The following ZBP1 variants were observed in gnomAD, a reference collection of about 807,000 sequenced individuals.
ZBP1 encodes the protein Z-DNA-binding protein 1.
Under a neutral mutation model 41.1 loss-of-function variants are expected in ZBP1, and 42 were observed. The observed-to-expected ratio is 1.02, with a 90% CI of 0.80 to 1.32. ZBP1 has a LOEUF of 1.32. ZBP1 is among the 40% of genes most tolerant of loss of function. ZBP1 has a pLI of 0.00. For missense variants in ZBP1, 562 were observed against 549.7 expected (o/e 1.02, Z -0.22); for synonymous variants, 214 against 205.2 (o/e 1.04, Z -0.37).
intron 7 of ZBP1, among the ~76,000 whole-genome samples, chr20:57,609,724 A>G (rs1413396740): frequency 6.6e-6 from 1 of 152,112 alleles, no homozygotes; most frequent in Non-Finnish European, 1.5e-5. Flanking sequence ...CTGATGCAGA[A>G]CCTTATTTGC....
Position 57,610,242 on chromosome 20 carries a change from T to C in ZBP1, c.1000A>G (p.Ile334Val). The change falls in exon 7 of 8, where the codon ATC (isoleucine) becomes GTC (valine). Residue 334 changes from isoleucine (I) to valine (V), a missense_variant. By Grantham distance (29) the Ile-to-Val change is conservative. Coordinates refer to ENST00000371173, the MANE Select transcript of ZBP1 (RefSeq NM_030776.3). This position sits in a 1 kb window ranked among gnomAD's most constrained non-coding sequence, Gnocchi z 5.5. Reference protein sequence around the residue: ...MKSCFLEDATIGNSNKMSISP... With the variant: ...MKSCFLEDATVGNSNKMSISP... ...ATAGACATTTTGTTGCTGTTGCCGA[T>C]GGTGGCGTCCTCGAGAAAGCACGAT... is the stretch of plus-strand genomic sequence containing the variant. 6.2e-7 allele frequency: 1 copy of C among 1,614,186 alleles called. No individual in the cohort carries two copies. The highest frequency in any genetic ancestry group is 8.5e-7 in the Non-Finnish European group (1 of 1,180,028).
At chr20:57,608,532 C>CT (rs374159617) in intron 7 of ZBP1, among the ~76,000 whole-genome samples, 1 of 152,358 alleles carries the variant, frequency 6.6e-6, no homozygotes, top group East Asian at 1.9e-4. Flanking sequence ...CTGTGGGGTC[C>CT]TAAGCCGGAT....
Position 57,603,985 on chromosome 20 carries a change from A to T in ZBP1, c.*588T>A. 1 of 180,124 alleles carries T rather than the reference A, an allele frequency of 5.6e-6. No homozygotes were observed. Among genetic ancestry groups the T allele is most frequent in the South Asian group, 1.0e-4 (1 of 9,986 alleles). 11.2% of individuals were successfully genotyped at this position (180,124 alleles called of 1,614,324 possible). On this transcript the variant is annotated 3_prime_UTR_variant, in exon 8 of 8. Coordinates refer to ENST00000371173, the MANE Select transcript of ZBP1 (RefSeq NM_030776.3). This position sits in a 1 kb window ranked among gnomAD's most constrained non-coding sequence, Gnocchi z 4.6. ...CGGGTTCACACCATTCTCCTCCCTC[A>T]GCCTCCGGAGTAGCTGGGACTCCAG... is the stretch of plus-strand genomic sequence containing the variant.
rs960901134 is a variant in ZBP1 at position 57,604,558 on chromosome 20, A to G, written c.*15T>C. 3 of 1,610,682 alleles carry G rather than the reference A, an allele frequency of 1.9e-6. No homozygotes were observed. The highest frequency in any genetic ancestry group is 2.5e-6 in the Non-Finnish European group (3 of 1,177,932). Reference sequence around the variant, plus strand: ...CACCCCCAGCCTGTGTCCAAGCCCCACGTGAGGCTGTGCACTAAATCCCAC... The same window carrying G: ...CACCCCCAGCCTGTGTCCAAGCCCCGCGTGAGGCTGTGCACTAAATCCCAC... On this transcript the variant is annotated 3_prime_UTR_variant, in exon 8 of 8. Transcript: ENST00000371173.
intron 1 of ZBP1, 105 bp downstream of exon 1, chr20:57,620,157 C>T (rs2070968570): frequency 2.2e-6 from 3 of 1,362,700 alleles, no homozygotes; most frequent in Non-Finnish European, 3.1e-6. Flanking sequence ...CTTTAGGATA[C>T]TGCTATTGTC....
At position 57,614,908 on chromosome 20, in the gene ZBP1, C is replaced by A. The variant is rs2146586587; in HGVS notation, c.481G>T (p.Ala161Ser). The A allele has an allele frequency of 1.2e-6, 2 of 1,614,214 alleles. No individual in the cohort carries two copies. The highest frequency in any genetic ancestry group is 1.7e-6 in the Non-Finnish European group (2 of 1,180,020). ...CTACCTGGGCGGTAAATCGTCCATG[C>A]TTTGGACTGCTCATCCATGTCCAGA... The part of the protein sequence containing the change: ...HLLDMDEQSK[A>S]WTIYRPEDSG... The change falls in exon 4 of 8, where the codon GCA (alanine) becomes TCA (serine). Residue 161 changes from alanine (A) to serine (S), a missense_variant. Ala to Ser is a moderately conservative substitution (Grantham distance 99, BLOSUM62 1). Transcript: ENST00000371173.
At chr20:57,619,825 T>A (rs1288680946) in intron 1 of ZBP1, among the ~76,000 whole-genome samples, 1 of 151,594 alleles carries the variant, frequency 6.6e-6, no homozygotes, top group East Asian at 1.9e-4. Flanking sequence ...ATGGCTATGC[T>A]GTCCCTTTCT....
Position 57,613,786 on chromosome 20 carries a change from C to A in ZBP1, c.503-456G>T, listed in dbSNP as rs557755681. Among the ~76,000 whole-genome samples, 13 of 152,346 alleles carry A rather than the reference C, an allele frequency of 8.5e-5. No homozygotes were observed. The highest frequency in any genetic ancestry group is 3.4e-3 in the Middle Eastern group (1 of 294). On this transcript the variant is annotated intron_variant, in intron 4 of 7. Coordinates refer to ENST00000371173, the MANE Select transcript of ZBP1 (RefSeq NM_030776.3). The surrounding 1 kb of genome is among the most constrained non-coding windows in gnomAD (Gnocchi z 4.5). ...TGAATTTGTCACTAGTGTTTAAAAT[C>A]TGGTGGCTGTCACGCGTTATTCCTT...
rs562311638 is a variant in ZBP1, at chr20:57,610,541, G to A, written c.875-174C>T. ...ACCTCCACCCGCCACACCTCCGCTCGTGCTGTTGTGCTGTCTGGGAAGCGT... is the reference window on the plus strand; with the variant it reads ...ACCTCCACCCGCCACACCTCCGCTCATGCTGTTGTGCTGTCTGGGAAGCGT... On this transcript the variant is annotated intron_variant, in intron 6 of 7. Coordinates refer to ENST00000371173, the MANE Select transcript of ZBP1 (RefSeq NM_030776.3). This position sits in a 1 kb window ranked among gnomAD's most constrained non-coding sequence, Gnocchi z 5.5. The A allele has an allele frequency of 1.3e-4, 87 of 644,868 alleles. No individual in the cohort carries two copies. Among genetic ancestry groups the A allele is most frequent in the Non-Finnish European group, 1.8e-4 (65 of 371,026 alleles). The allele number at this position is 644,868 out of a possible 1,614,324, so 39.9% of individuals were successfully genotyped here.
rs537958405 is a variant in ZBP1 at position 57,616,039 on chromosome 20, C to T, written c.259+205G>A. Reference sequence around the variant, plus strand: ...GTGTGCAGGGCTGGGCTGAGCCTGACGCAGGGCCTCCTCTCAGCAACCCCT... The same window carrying T: ...GTGTGCAGGGCTGGGCTGAGCCTGATGCAGGGCCTCCTCTCAGCAACCCCT... On this transcript the variant is annotated intron_variant, in intron 2 of 7. Coordinates refer to ENST00000371173, the MANE Select transcript of ZBP1 (RefSeq NM_030776.3). 23 of 608,072 alleles carry T rather than the reference C, an allele frequency of 3.8e-5. 2 individuals carry two copies. The highest frequency in any genetic ancestry group is 2.6e-4 in the Middle Eastern group (1 of 3,900). The allele number at this position is 608,072 out of a possible 1,614,324, so 37.7% of individuals were successfully genotyped here. A position where few individuals can be genotyped will look rare whatever the true frequency, so the allele number is the denominator to read the frequency against.
chr20:57,620,378 C>A lies in ZBP1; in HGVS notation c.-83G>T. On this transcript the variant is annotated 5_prime_UTR_variant, in exon 1 of 8. Transcript: ENST00000371173. ...GTGGCCCTGAGAGGGTGGGCTAGGT[C>A]GAGGCTGGGGCTTCTGAAGTGGCCG... is the stretch of plus-strand genomic sequence containing the variant. 3 of 1,496,240 alleles carry A rather than the reference C, an allele frequency of 2.0e-6. No homozygotes were observed. The South Asian group carries it at 3.7e-5, about 18-fold the overall frequency. The allele number at this position is 1,496,240 out of a possible 1,614,324, so 92.7% of individuals were successfully genotyped here.
At chr20:57,616,647 C>A (rs2070842204) in intron 1 of ZBP1, 179 bp from the exon 2 acceptor site, 9 of 632,890 alleles carry the variant, frequency 1.4e-5, no homozygotes, top group Non-Finnish European at 2.2e-5. Context: ...TGCATCTGCC[C>A]AGAGGGAGGC....
chr20:57,615,158 G>A (rs2070783951), intron 3 of ZBP1, 98 bp from the exon 4 acceptor site: 1 of 1,351,912 alleles, frequency 7.4e-7, no homozygotes, highest in Admixed American at 2.0e-5. Context: ...AGCCCCTCAA[G>A]GCCTGGTTTC....
Position 57,604,607 on chromosome 20 carries a change from G to C in ZBP1, c.1256C>G (p.Ser419Ter). Residue 419 changes from serine to a stop codon, truncating the protein, a stop_gained, in exon 8 of 8, where the codon TCA becomes TGA. Coordinates refer to ENST00000371173, the MANE Select transcript of ZBP1 (RefSeq NM_030776.3). LOFTEE classifies it low-confidence loss of function (END_TRUNC). ...AEGSHYVDEA[S>*]HEGSWWGGGI ...ACCTCCCCACCAGCTCCCCTCGTGT[G>C]AGGCTTCATCCACATAGTGGCTGCC... The C allele has an allele frequency of 6.2e-7, 1 of 1,614,176 alleles. No individual in the cohort carries two copies. The highest frequency in any genetic ancestry group is 8.5e-7 in the Non-Finnish European group (1 of 1,180,006).
intron 7 of ZBP1, among the ~76,000 whole-genome samples, chr20:57,609,909 C>T (rs1440450002): frequency 2.0e-5 from 3 of 152,172 alleles, no homozygotes; most frequent in Non-Finnish European, 4.4e-5. Context: ...CTTGCCATCC[C>T]ACTTTACAGC....
At chr20:57,618,819 G>A (rs1351193324) in intron 1 of ZBP1, among the ~76,000 whole-genome samples, 1 of 152,124 alleles carries the variant, frequency 6.6e-6, no homozygotes, top group East Asian at 1.9e-4. Context: ...GACCTTGGGT[G>A]ATCCCCGCAA....
rs373882574 is a variant in ZBP1 at position 57,604,309 on chromosome 20, G to C, written c.*264C>G. On this transcript the variant is annotated 3_prime_UTR_variant, in exon 8 of 8. Transcript: ENST00000371173. ...GAGAGTCCCCTGGGCCTGGGGGACC[G>C]AGCCCCACTCCCATCTACCCACCTC... The C allele has an allele frequency of 1.6e-6, 1 of 620,240 alleles. No individual in the cohort carries two copies. Among genetic ancestry groups the C allele is most frequent in the Non-Finnish European group, 3.0e-6 (1 of 332,930 alleles). The allele number at this position is 620,240 out of a possible 1,614,324, so 38.4% of individuals were successfully genotyped here. A position where few individuals can be genotyped will look rare whatever the true frequency, so the allele number is the denominator to read the frequency against.
At chr20:57,609,862 A>G (rs563939499) in intron 7 of ZBP1, among the ~76,000 whole-genome samples, 1 of 152,236 alleles carries the variant, frequency 6.6e-6, no homozygotes, top group African/African-American at 2.4e-5. Flanking sequence ...ATTTTACCCC[A>G]GTCTTGCAAC....
At position 57,604,454 on chromosome 20, in the gene ZBP1, G is replaced by A. The variant is rs545034384; in HGVS notation, c.*119C>T. 38 of 1,295,486 alleles carry A rather than the reference G, an allele frequency of 2.9e-5. No homozygotes were observed. In the African/African-American group the frequency reaches 4.9e-4, roughly 17 times the overall value. The allele number at this position is 1,295,486 out of a possible 1,614,324, so 80.2% of individuals were successfully genotyped here. Reference sequence around the variant, plus strand: ...ATTCCCCCAAAACTGATTCATGCAGGTTATGTCTGGAAGCAAGCAGGTCAA... The same window carrying A: ...ATTCCCCCAAAACTGATTCATGCAGATTATGTCTGGAAGCAAGCAGGTCAA... On this transcript the variant is annotated 3_prime_UTR_variant, in exon 8 of 8. Transcript: ENST00000371173.
Sources: gnomAD v4.1 joint callset for allele counts (sites outside exome capture counted in the v4.1 genomes callset) on GRCh38, gnomAD v4.1.1 for gene constraint, Gnocchi (gnomAD v3.1) non-coding constraint, MANE v1.5 for transcripts, NCBI Gene and HGNC (gene_info 2026-07-23, HGNC 2026-07-21) for gene names.